The following ATXN10 variants were observed in gnomAD, a reference collection of about 807,000 sequenced individuals.
ATXN10 encodes the protein ataxin 10, also known as ataxin-10.
Under a neutral mutation model 52.9 loss-of-function variants are expected in ATXN10, and 28 were observed. The ratio of observed to expected loss-of-function variants is 0.53; its 90% CI spans 0.39 to 0.73. The LOEUF (loss-of-function observed/expected upper bound fraction) is 0.73. Among genes scored for constraint, ATXN10 ranks in the 30% least tolerant of loss-of-function variants. The pLI, the probability that ATXN10 is intolerant of heterozygous loss-of-function variation, is 0.00. For missense variants in ATXN10, 565 were observed against 577.0 expected (o/e 0.98, Z 0.21); for synonymous variants, 226 against 221.5 (o/e 1.02, Z -0.18).
rs554577841 is a variant in ATXN10 at position 45,789,722 on chromosome 22, G to T, written c.1174-17237G>T. ...TGTTGGGCTTTAGCTTTGGCCGTTA[G>T]GGATGTAGGAGTGTGTCCTTCCTTT... On this transcript the variant is annotated intron_variant, in intron 9 of 11. Coordinates refer to ENST00000252934, the MANE Select transcript of ATXN10 (RefSeq NM_013236.4). This position sits in a 1 kb window ranked among gnomAD's most constrained non-coding sequence, Gnocchi z 4.0. Among the ~76,000 whole-genome samples, 1 of 152,302 alleles carries T rather than the reference G, an allele frequency of 6.6e-6. No homozygotes were observed. Among genetic ancestry groups the T allele is most frequent in the African/African-American group, 2.4e-5 (1 of 41,548 alleles).
rs1177166086 is a variant in ATXN10, at chr22:45,700,379, G to A, written c.488+1G>A. 6.2e-7 allele frequency: 1 copy of A among 1,605,652 alleles called. No individual in the cohort carries two copies. The highest frequency in any genetic ancestry group is 1.7e-5 in the Admixed American group (1 of 59,988). The stretch of plus-strand genomic sequence containing the variant: ...TGCATGCTTTCCCAGAACTGTTTTT[G>A]TGAGTATATTGATAAGCATTTTTCT... On this transcript the variant is annotated splice_donor_variant, in intron 4 of 11. Coordinates refer to ENST00000252934, the MANE Select transcript of ATXN10 (RefSeq NM_013236.4). LOFTEE classifies it high-confidence loss of function.
chr22:45,810,471 T>C (rs1928244531), intron 10 of ATXN10, among the ~76,000 whole-genome samples: 2 of 152,246 alleles, frequency 1.3e-5, no homozygotes, highest in South Asian at 4.1e-4. Context: ...CACATACATG[T>C]ATATACCTGT....
intron 5 of ATXN10, among the ~76,000 whole-genome samples, chr22:45,714,983 T>C (rs1347429764): frequency 3.9e-5 from 6 of 152,194 alleles, no homozygotes; most frequent in Non-Finnish European, 8.8e-5. Context: ...GTCCTTGCCC[T>C]AGTCCCTATA....
intron 5 of ATXN10, among the ~76,000 whole-genome samples, chr22:45,716,312 C>T (rs1924442291): frequency 6.7e-6 from 1 of 148,756 alleles, no homozygotes; most frequent in Non-Finnish European, 1.5e-5. Flanking sequence ...GAGCTTATTG[C>T]TTTGAGTGCT....
In ATXN10 at chr22:45,824,948, C is replaced by G. The variant is rs1569079433; in HGVS notation, c.1237+17926C>G. Among the ~76,000 whole-genome samples the G allele has an allele frequency of 6.6e-6, 1 of 152,232 alleles. No homozygotes were observed. Among genetic ancestry groups the G allele is most frequent in the African/African-American group, 2.4e-5 (1 of 41,470 alleles). On this transcript the variant is annotated intron_variant, in intron 10 of 11. Coordinates refer to ENST00000252934, the MANE Select transcript of ATXN10 (RefSeq NM_013236.4). The surrounding 1 kb of genome is among the most constrained non-coding windows in gnomAD (Gnocchi z 5.2). ...AACTGTTTTGGTACGCTGAAGTCCA[C>G]TGAAGTCTTGCAATGTCCACAAGAA... is the stretch of plus-strand genomic sequence containing the variant.
At chr22:45,813,458 T>TC (rs1207707657) in intron 10 of ATXN10, among the ~76,000 whole-genome samples, 1 of 150,604 alleles carries the variant, frequency 6.6e-6, no homozygotes, top group East Asian at 1.9e-4. Flanking sequence ...TTCATTTCTT[T>TC]TTTTTTTTTT....
At position 45,825,240 on chromosome 22, in the gene ATXN10, C is replaced by T. The variant is rs1005048903; in HGVS notation, c.1238-17751C>T. 6.6e-6 allele frequency among the ~76,000 whole-genome samples: 1 copy of T among 152,148 alleles called. No homozygotes were observed. The highest frequency in any genetic ancestry group is 1.5e-5 in the Non-Finnish European group (1 of 68,014). On this transcript the variant is annotated intron_variant, in intron 10 of 11. Coordinates refer to ENST00000252934, the MANE Select transcript of ATXN10 (RefSeq NM_013236.4). The surrounding 1 kb of genome is among the most constrained non-coding windows in gnomAD (Gnocchi z 4.5). The stretch of plus-strand genomic sequence containing the variant: ...TGGAGACCATTATTGTTGCATCTGC[C>T]CCCATTGTTGTAAGTCCTTCCACCT...
chr22:45,815,857 T>C (rs187105607), intron 10 of ATXN10, among the ~76,000 whole-genome samples: 1 of 152,294 alleles, frequency 6.6e-6, no homozygotes, highest in East Asian at 1.9e-4. Flanking sequence ...TTTCTTTCCA[T>C]TGTAATTCCT....
intron 7 of ATXN10, among the ~76,000 whole-genome samples, chr22:45,735,076 G>A (rs1341528055): frequency 1.3e-5 from 2 of 151,610 alleles, no homozygotes; most frequent in East Asian, 1.9e-4. Context: ...ATGGGGTTTC[G>A]CCTTGTTGGC....
At position 45,705,702 on chromosome 22, in the gene ATXN10, G is replaced by A. The variant is rs964430003; in HGVS notation, c.647+2855G>A. On this transcript the variant is annotated intron_variant, in intron 5 of 11. Coordinates refer to ENST00000252934, the MANE Select transcript of ATXN10 (RefSeq NM_013236.4). The surrounding 1 kb of genome is among the most constrained non-coding windows in gnomAD (Gnocchi z 5.2). Reference sequence around the variant, plus strand: ...ACCTGCCTCAGCCTCCCAAAGTGCTGGGATTACAGGCGTGAGCCACCGCGC... The same window carrying A: ...ACCTGCCTCAGCCTCCCAAAGTGCTAGGATTACAGGCGTGAGCCACCGCGC... 3.3e-5 allele frequency among the ~76,000 whole-genome samples: 5 copies of A among 152,136 alleles called. No homozygotes were observed. Among genetic ancestry groups the A allele is most frequent in the African/African-American group, 1.2e-4 (5 of 41,436 alleles).
intron 9 of ATXN10, among the ~76,000 whole-genome samples, chr22:45,742,776 A>C (rs1925586496): frequency 6.6e-6 from 1 of 152,220 alleles, no homozygotes; most frequent in South Asian, 2.1e-4. Flanking sequence ...TTGCACTTTT[A>C]GTATATGGGC....
intron 5 of ATXN10, among the ~76,000 whole-genome samples, chr22:45,709,394 G>C (rs1924159700): frequency 6.6e-6 from 1 of 152,216 alleles, no homozygotes; most frequent in African/African-American, 2.4e-5. Context: ...CACATAAAGG[G>C]ATTTATTGGC....
intron 2 of ATXN10, 87 bp downstream of exon 2, chr22:45,689,990 G>A (rs967809432): frequency 8.0e-5 from 117 of 1,453,426 alleles, no homozygotes; most frequent in Non-Finnish European, 1.1e-4. Flanking sequence ...AAGTTGTTTT[G>A]GGCTGGGTAA....
At chr22:45,691,905 G>A (rs1923395658) in intron 2 of ATXN10, among the ~76,000 whole-genome samples, 1 of 151,988 alleles carries the variant, frequency 6.6e-6, no homozygotes, top group Admixed American at 6.6e-5. Flanking sequence ...AAAAAAAAAT[G>A]CAGTCTACCC....
rs1929126753 is a variant in ATXN10, at chr22:45,835,198, C to T, written c.1238-7793C>T. Among the ~76,000 whole-genome samples the T allele has an allele frequency of 6.6e-6, 1 of 152,206 alleles. No individual in the cohort carries two copies. The highest frequency in any genetic ancestry group is 2.4e-5 in the African/African-American group (1 of 41,452). On this transcript the variant is annotated intron_variant, in intron 10 of 11. Coordinates refer to ENST00000252934, the MANE Select transcript of ATXN10 (RefSeq NM_013236.4). The surrounding 1 kb of genome is among the most constrained non-coding windows in gnomAD (Gnocchi z 5.0). ...CAGGGCACAGGTCATCTTCCCATGACTTCACTGCCAGATGGACGGGCTCAT... is the reference window on the plus strand; with the variant it reads ...CAGGGCACAGGTCATCTTCCCATGATTTCACTGCCAGATGGACGGGCTCAT...
intron 4 of ATXN10, 103 bp downstream of exon 4, chr22:45,700,481 T>C (rs1569028171): frequency 4.4e-6 from 4 of 905,162 alleles, no homozygotes; most frequent in Non-Finnish European, 7.1e-6. Context: ...CCCACTGTAA[T>C]AGAGTTCAGG....
chr22:45,825,132 A>G lies in ATXN10; in HGVS notation c.1238-17859A>G, dbSNP rs1308814844. 6.6e-6 allele frequency among the ~76,000 whole-genome samples: 1 copy of G among 152,190 alleles called. No individual in the cohort carries two copies. The highest frequency in any genetic ancestry group is 1.5e-5 in the Non-Finnish European group (1 of 68,038). ...GTGGGAGCCAGGTAGGGTGGGCCAA[A>G]AAGACCCTGACATGCAAATATCTGG... is the stretch of plus-strand genomic sequence containing the variant. On this transcript the variant is annotated intron_variant, in intron 10 of 11. Transcript: ENST00000252934. This position sits in a 1 kb window ranked among gnomAD's most constrained non-coding sequence, Gnocchi z 4.5.
Position 45,843,623 on chromosome 22 carries a change from A to G in ATXN10, c.1426-46A>G. 1 of 1,600,356 alleles carries G rather than the reference A, an allele frequency of 6.2e-7. No individual in the cohort carries two copies. Among genetic ancestry groups the G allele is most frequent in the South Asian group, 1.1e-5 (1 of 90,136 alleles). ...CCCCTTTTGTCTGATGAATCTTGTG[A>G]ACAGATTTGCTACATCTGCAATTTT... On this transcript the variant is annotated intron_variant, in intron 11 of 11. Transcript: ENST00000252934. This position sits in a 1 kb window ranked among gnomAD's most constrained non-coding sequence, Gnocchi z 4.5.
intron 10 of ATXN10, among the ~76,000 whole-genome samples, chr22:45,813,226 TTTG>T (rs767574696): frequency 2.2e-4 from 33 of 152,342 alleles, no homozygotes; most frequent in Non-Finnish European, 4.1e-4. Context: ...TGTGGGATTT[TTTG>T]TTGTTGTTGT....
Sources: gnomAD v4.1 joint callset for allele counts (sites outside exome capture counted in the v4.1 genomes callset) on GRCh38, gnomAD v4.1.1 for gene constraint, Gnocchi (gnomAD v3.1) non-coding constraint, MANE v1.5 for transcripts, NCBI Gene and HGNC (gene_info 2026-07-23, HGNC 2026-07-21) for gene names.